UGT1A8: variants seen among roughly 807,000 people sequenced by gnomAD.
The protein encoded by UGT1A8 is UDP-glucuronosyltransferase 1A8.
Under a neutral mutation model 45.3 loss-of-function variants are expected in UGT1A8, and 39 were observed. The ratio of observed to expected loss-of-function variants is 0.86; its 90% confidence interval spans 0.67 to 1.12. UGT1A8 has a LOEUF of 1.12. Among genes scored for constraint, UGT1A8 ranks in the 50% most tolerant of loss-of-function variants. UGT1A8 has a pLI of 0.00. For missense variants in UGT1A8, 719 were observed against 664.9 expected (o/e 1.08, Z -0.90); for synonymous variants, 275 against 249.2 (o/e 1.10, Z -0.97).
intron 1 of UGT1A8, among the ~76,000 whole-genome samples, chr2:233,727,544 G>A (rs191237726): frequency 2.0e-5 from 3 of 152,260 alleles, no homozygotes; most frequent in South Asian, 2.1e-4. Flanking sequence ...TGTTCCACCC[G>A]TCACCTGGGC....
chr2:233,724,277 C>A (rs1162056701), intron 1 of UGT1A8, among the ~76,000 whole-genome samples: 1 of 115,790 alleles, frequency 8.6e-6, no homozygotes, highest in African/African-American at 3.3e-5. Context: ...GGCGGCTGGC[C>A]GGGCGGGGGG....
intron 1 of UGT1A8, among the ~76,000 whole-genome samples, chr2:233,625,434 A>G (rs185939311): frequency 5.1e-4 from 78 of 152,252 alleles, no homozygotes; most frequent in African/African-American, 1.8e-3. Flanking sequence ...CAGCAATCTC[A>G]TTACATTACT....
chr2:233,678,793 T>A (rs2074429314), intron 1 of UGT1A8, among the ~76,000 whole-genome samples: 2 of 152,190 alleles, frequency 1.3e-5, no homozygotes, highest in Non-Finnish European at 2.9e-5. Context: ...GTGGCATCTA[T>A]TGGCTCTTGA....
At chr2:233,639,298 T>C (rs1040107312) in intron 1 of UGT1A8, among the ~76,000 whole-genome samples, 1 of 152,218 alleles carries the variant, frequency 6.6e-6, no homozygotes. Flanking sequence ...TGTATATTAA[T>C]GTATATTTTT....
At chr2:233,668,683 G>A (rs2074124343) in intron 1 of UGT1A8, among the ~76,000 whole-genome samples, 1 of 152,224 alleles carries the variant, frequency 6.6e-6, no homozygotes, top group African/African-American at 2.4e-5. Context: ...CAGGGTAAAA[G>A]CGTTCCTATT....
intron 1 of UGT1A8, among the ~76,000 whole-genome samples, chr2:233,748,325 G>C (rs574436973): frequency 6.6e-6 from 1 of 151,854 alleles, no homozygotes; most frequent in East Asian, 1.9e-4. Context: ...GGACTGATGT[G>C]ACTCATGGAG....
intron 1 of UGT1A8, among the ~76,000 whole-genome samples, chr2:233,656,955 T>C (rs1159751268): frequency 6.6e-6 from 1 of 151,974 alleles, no homozygotes; most frequent in Admixed American, 6.5e-5. Context: ...TGAGTCTTCC[T>C]GAAACAGGTG....
At chr2:233,717,109 C>T (rs1330348180) in intron 1 of UGT1A8, among the ~76,000 whole-genome samples, 1 of 152,134 alleles carries the variant, frequency 6.6e-6, no homozygotes, top group East Asian at 1.9e-4. Flanking sequence ...CTAAATAAAA[C>T]ACCACTACAT....
At chr2:233,692,108 A>T (rs1183375551) in intron 1 of UGT1A8, 1 of 152,198 alleles carries the variant, frequency 6.6e-6, no homozygotes, top group African/African-American at 2.4e-5. Flanking sequence ...GATGGGCAAC[A>T]ATCTAATCAA....
chr2:233,623,828 C>T (rs1246928005), intron 1 of UGT1A8, among the ~76,000 whole-genome samples: 1 of 152,094 alleles, frequency 6.6e-6, no homozygotes, highest in Non-Finnish European at 1.5e-5. Context: ...ACAGAAGACC[C>T]ACCCTGGGGT....
chr2:233,724,297 C>A (rs2077212322), intron 1 of UGT1A8, among the ~76,000 whole-genome samples: 2 of 146,144 alleles, frequency 1.4e-5, no homozygotes, highest in South Asian at 4.7e-4. Flanking sequence ...GCTGACCCCC[C>A]CACCTCCCTC....
At chr2:233,671,410 T>G (rs767646652) in intron 1 of UGT1A8, among the ~76,000 whole-genome samples, 1 of 152,192 alleles carries the variant, frequency 6.6e-6, no homozygotes, top group Non-Finnish European at 1.5e-5. Flanking sequence ...AGCAGCAATA[T>G]GTATGCATTG....
chr2:233,651,637 A>G (rs916687199), intron 1 of UGT1A8, among the ~76,000 whole-genome samples: 2 of 152,190 alleles, frequency 1.3e-5, no homozygotes, highest in Admixed American at 6.5e-5. Flanking sequence ...AGACCTATGG[A>G]CACTGGATTT....
At chr2:233,719,572 A>C in intron 1 of UGT1A8, 1 of 1,613,858 alleles carries the variant, frequency 6.2e-7, no homozygotes, top group South Asian at 1.1e-5. Flanking sequence ...CTTGTCAGCT[A>C]TGCATCCGTG....
At chr2:233,694,271 TGTGAGC>T (rs1439131149) in intron 1 of UGT1A8, among the ~76,000 whole-genome samples, 4 of 151,934 alleles carry the variant, frequency 2.6e-5, no homozygotes, top group Non-Finnish European at 4.4e-5. Flanking sequence ...AACTACAGCC[TGTGAGC>T]CCAATCTGCC....
chr2:233,633,771 A>T (rs540531349), intron 1 of UGT1A8, among the ~76,000 whole-genome samples: 75 of 152,146 alleles, frequency 4.9e-4, no homozygotes, highest in African/African-American at 1.7e-3. Flanking sequence ...TCCTGGATTC[A>T]TTGATTTTTT....
At chr2:233,631,682 G>T (rs565629760) in intron 1 of UGT1A8, among the ~76,000 whole-genome samples, 8 of 150,596 alleles carry the variant, frequency 5.3e-5, no homozygotes, top group South Asian at 2.1e-4. Flanking sequence ...TTTTGATGGG[G>T]TTTTTTTTTC....
chr2:233,679,237 G>A (rs1025711851), intron 1 of UGT1A8, among the ~76,000 whole-genome samples: 1 of 152,166 alleles, frequency 6.6e-6, no homozygotes, highest in Non-Finnish European at 1.5e-5. Context: ...GTCCAATATC[G>A]AAAGAACTTT....
chr2:233,648,897 T>C (rs1018086317), intron 1 of UGT1A8: 5 of 1,327,890 alleles, frequency 3.8e-6, no homozygotes, highest in Non-Finnish European at 5.3e-6. Flanking sequence ...TCATGGCATA[T>C]GATCTCTACA....
Sources: allele counts gnomAD v4.1 joint callset (sites outside exome capture counted in the v4.1 genomes callset), GRCh38; gene constraint gnomAD v4.1.1; transcripts MANE v1.5; gene names NCBI Gene and HGNC (gene_info 2026-07-23, HGNC 2026-07-21).